The following ADAM12 variants were observed in gnomAD, a reference collection of about 807,000 sequenced individuals.
The protein encoded by ADAM12 is ADAM metallopeptidase domain 12.
In ADAM12, 70 loss-of-function variants were observed where a neutral mutation model predicts 106.4. That is an observed-to-expected ratio of 0.66 (90% confidence interval 0.54 to 0.80). The LOEUF is 0.80. Ranked by LOEUF, ADAM12 falls within the 30% of genes least tolerant of loss-of-function variation. The probability of loss-of-function intolerance (pLI) is 0.00; values close to 1 mark genes in which losing one functional copy is unlikely to be tolerated. For synonymous variants in ADAM12, 420 were observed against 433.5 expected (o/e 0.97, Z 0.39); for missense variants, 1,010 against 1,171.9 (o/e 0.86, Z 2.02).
chr10:126,336,565 T>A (rs1051835620), intron 1 of ADAM12, among the ~76,000 whole-genome samples: 2 of 152,186 alleles, frequency 1.3e-5, no homozygotes, highest in Non-Finnish European at 2.9e-5. Flanking sequence ...TTAAAGGGCC[T>A]TCTGAGTACT....
intron 3 of ADAM12, among the ~76,000 whole-genome samples, chr10:126,244,758 G>C (rs1188658225): frequency 6.6e-6 from 1 of 152,172 alleles, no homozygotes; most frequent in East Asian, 1.9e-4. Flanking sequence ...GATAAAGAGA[G>C]ATGTAAAGTT....
At chr10:126,198,468 G>A (rs958939939) in intron 3 of ADAM12, among the ~76,000 whole-genome samples, 3 of 152,268 alleles carry the variant, frequency 2.0e-5, no homozygotes, top group East Asian at 3.9e-4. Flanking sequence ...GCATTTCACC[G>A]GCTCTTGCAG....
chr10:126,242,187 T>C (rs1035934100), intron 3 of ADAM12, among the ~76,000 whole-genome samples: 2 of 152,234 alleles, frequency 1.3e-5, no homozygotes, highest in African/African-American at 2.4e-5. Context: ...TCATTTGTGA[T>C]TGATTTTCAG....
chr10:126,368,356 G>GTTTTTTTTTTTTTTT (rs34317249), intron 1 of ADAM12, among the ~76,000 whole-genome samples: 1 of 118,402 alleles, frequency 8.4e-6, no homozygotes, highest in Non-Finnish European at 1.8e-5. Context: ...TGTGTGATTT[G>GTTTTTTTTTTTTTTT]TTTTTTTTTT....
intron 8 of ADAM12, among the ~76,000 whole-genome samples, chr10:126,105,083 T>C (rs1955738994): frequency 6.6e-6 from 1 of 152,116 alleles, no homozygotes; most frequent in South Asian, 2.1e-4. Context: ...CAGGGGTAGC[T>C]GTGTGCTCAG....
At chr10:126,167,929 C>T (rs1044087804) in intron 3 of ADAM12, among the ~76,000 whole-genome samples, 1 of 152,224 alleles carries the variant, frequency 6.6e-6, no homozygotes, top group African/African-American at 2.4e-5. Context: ...TTCAAGGCCA[C>T]ACACTCTTAC....
intron 21 of ADAM12, among the ~76,000 whole-genome samples, chr10:126,027,075 T>C (rs114526744): frequency 6.6e-6 from 1 of 152,224 alleles, no homozygotes; most frequent in Non-Finnish European, 1.5e-5. Flanking sequence ...GATATCACCA[T>C]TGATCCCACA....
At chr10:126,291,391 C>G (rs570732582) in intron 2 of ADAM12, among the ~76,000 whole-genome samples, 1 of 152,194 alleles carries the variant, frequency 6.6e-6, no homozygotes, top group Non-Finnish European at 1.5e-5. Context: ...TCACTATGTA[C>G]TGAGGCCGAA....
intron 3 of ADAM12, among the ~76,000 whole-genome samples, chr10:126,239,198 C>T (rs974541740): frequency 2.0e-5 from 3 of 152,142 alleles, no homozygotes; most frequent in Admixed American, 2.0e-4. Flanking sequence ...ACCACATGTA[C>T]ATATAACTGA....
At chr10:126,077,565 A>T (rs958996068) in intron 11 of ADAM12, among the ~76,000 whole-genome samples, 12 of 152,216 alleles carry the variant, frequency 7.9e-5, no homozygotes, top group African/African-American at 2.9e-4. Flanking sequence ...AATGGAACAG[A>T]ATAGAGACCC....
chr10:126,337,938 G>T (rs1033171529), intron 1 of ADAM12, among the ~76,000 whole-genome samples: 1 of 152,146 alleles, frequency 6.6e-6, no homozygotes, highest in Non-Finnish European at 1.5e-5. Context: ...AACTTAAAAA[G>T]ATCCTTTGGA....
At chr10:126,122,119 A>G (rs1330196258) in intron 5 of ADAM12, among the ~76,000 whole-genome samples, 3 of 152,206 alleles carry the variant, frequency 2.0e-5, no homozygotes, top group African/African-American at 7.2e-5. Context: ...AAGGGGTCCA[A>G]TGTGGTTTGG....
At chr10:126,293,315 C>T in intron 2 of ADAM12, among the ~76,000 whole-genome samples, 1 of 152,028 alleles carries the variant, frequency 6.6e-6, no homozygotes, top group Admixed American at 6.6e-5. Context: ...CACCAATTCT[C>T]CCAGCCCCAC....
At chr10:126,111,810 C>T (rs769197313) in intron 6 of ADAM12, among the ~76,000 whole-genome samples, 9 of 152,108 alleles carry the variant, frequency 5.9e-5, no homozygotes, top group South Asian at 2.1e-4. Context: ...GGGGAGTCGC[C>T]GGCTCAGGGC....
chr10:126,155,854 AAGC>A (rs1038023876), intron 3 of ADAM12, among the ~76,000 whole-genome samples: 1 of 152,182 alleles, frequency 6.6e-6, no homozygotes, highest in African/African-American at 2.4e-5. Flanking sequence ...GAAATGCTAA[AAGC>A]AGCAATGTAT....
At position 126,381,487 on chromosome 10, in the gene ADAM12, A is replaced by T. The variant is rs149864929; in HGVS notation, c.88+6571T>A. On this transcript the variant is annotated intron_variant, in intron 1 of 22. Transcript: ENST00000448723. ...GATTCTGTCTGTATAAAAATTTAAA[A>T]ATTATATTTTTTAAAAAAAAACTTT... Among the ~76,000 whole-genome samples the T allele has an allele frequency of 4.3e-4, 66 of 152,082 alleles. 1 individual carries two copies. The East Asian group carries it at 0.012, about 28-fold the overall frequency.
intron 17 of ADAM12, among the ~76,000 whole-genome samples, chr10:126,044,370 A>C (rs567035441): frequency 1.3e-5 from 2 of 152,236 alleles, no homozygotes; most frequent in African/African-American, 4.8e-5. Context: ...CTGAAAAATT[A>C]GGAATGAGTG....
intron 3 of ADAM12, among the ~76,000 whole-genome samples, chr10:126,215,017 C>T (rs1476657547): frequency 2.0e-5 from 3 of 152,198 alleles, no homozygotes; most frequent in Non-Finnish European, 2.9e-5. Context: ...ACCCATTTTC[C>T]CATGGCACCT....
At chr10:126,238,738 A>T (rs906719159) in intron 3 of ADAM12, among the ~76,000 whole-genome samples, 2 of 152,222 alleles carry the variant, frequency 1.3e-5, no homozygotes, top group Non-Finnish European at 2.9e-5. Flanking sequence ...TATTGATGTC[A>T]TTACTTCTTC....
Sources: allele counts gnomAD v4.1 joint callset (sites outside exome capture counted in the v4.1 genomes callset), GRCh38; gene constraint gnomAD v4.1.1; transcripts MANE v1.5; gene names NCBI Gene and HGNC (gene_info 2026-07-23, HGNC 2026-07-21).